The following PERP variants were observed in gnomAD, a reference collection of about 807,000 sequenced individuals.
The protein encoded by PERP is p53 apoptosis effector related to PMP-22.
A neutral mutation model predicts 20.3 loss-of-function variants in PERP; 11 were observed. The observed-to-expected ratio is 0.54, with a 90% CI of 0.34 to 0.90. The LOEUF is 0.90. Among genes scored for constraint, PERP ranks in the 40% least tolerant of loss-of-function variants. The pLI is 0.02. For missense variants in PERP, 224 were observed against 249.4 expected (o/e 0.90, Z 0.69); for synonymous variants, 101 against 102.0 (o/e 0.99, Z 0.06).
At chr6:138,104,934 G>A (rs4896314) in intron 1 of PERP, among the ~76,000 whole-genome samples, 15,486 of 150,496 alleles carry the variant, frequency 0.1, 1,617 homozygotes, top group East Asian at 0.58. Flanking sequence ...TTACAGTGTC[G>A]TTATACACAG....
At chr6:138,102,715 G>A (rs1193650920) in intron 1 of PERP, among the ~76,000 whole-genome samples, 1 of 152,134 alleles carries the variant, frequency 6.6e-6, no homozygotes, top group Non-Finnish European at 1.5e-5. Flanking sequence ...TAAATCATAC[G>A]TACTTTTAAA....
At position 138,088,630 on chromosome 6, in the gene PERP, T is replaced by C. The variant is rs9759; in HGVS notation, c.*3412A>G. On this transcript the variant is annotated 3_prime_UTR_variant, in exon 3 of 3. Transcript: ENST00000421351. Reference sequence around the variant, plus strand: ...ATAGGAACCTCTTTTAATTTCCCTTTCTTGGCTTTTTCCACACCCTAGGTG... The same window carrying C: ...ATAGGAACCTCTTTTAATTTCCCTTCCTTGGCTTTTTCCACACCCTAGGTG... 48,345 of 152,036 alleles carry C rather than the reference T, an allele frequency of 0.32. 8,129 individuals are homozygous for C. The highest frequency in any genetic ancestry group is 0.59 in the East Asian group (3,025 of 5,170). The allele number at this position is 152,036 out of a possible 1,614,324, so 9.4% of individuals were successfully genotyped here. A position where few individuals can be genotyped will look rare whatever the true frequency, so the allele number is the denominator to read the frequency against.
At chr6:138,097,932 C>T (rs1369322785) in intron 1 of PERP, among the ~76,000 whole-genome samples, 1 of 152,186 alleles carries the variant, frequency 6.6e-6, no homozygotes, top group African/African-American at 2.4e-5. Context: ...CTGGCAACCA[C>T]AAATCTACTT....
chr6:138,094,228 A>G (rs1447105495), intron 2 of PERP, among the ~76,000 whole-genome samples: 1 of 152,158 alleles, frequency 6.6e-6, no homozygotes, highest in Non-Finnish European at 1.5e-5. Flanking sequence ...AACCATTACC[A>G]CTATCTATAC....
rs1056456839 is a variant in PERP, at chr6:138,095,304, G to A, written c.355+1050C>T. On this transcript the variant is annotated intron_variant, in intron 2 of 2. Transcript: ENST00000421351. The stretch of plus-strand genomic sequence containing the variant: ...CAGAAACTGTCAAATGTGCCGTGAA[G>A]AAGGCCAGGACTGTGCATGTACCAG... 2.0e-5 allele frequency among the ~76,000 whole-genome samples: 3 copies of A among 152,188 alleles called. No homozygotes were observed. In the East Asian group the frequency reaches 5.8e-4, roughly 29 times the overall value.
chr6:138,091,929 G>T lies in PERP; in HGVS notation c.*113C>A. On this transcript the variant is annotated 3_prime_UTR_variant, in exon 3 of 3. Coordinates refer to ENST00000421351, the MANE Select transcript of PERP (RefSeq NM_022121.5). ...CAAATTATTTTAGCATTTTTGACTAGTTTAATAATATGAACACTGCCAAAA... is the reference window on the plus strand; with the variant it reads ...CAAATTATTTTAGCATTTTTGACTATTTTAATAATATGAACACTGCCAAAA... The T allele has an allele frequency of 1.2e-6, 1 of 863,418 alleles. No homozygotes were observed. Among genetic ancestry groups the T allele is most frequent in the Non-Finnish European group, 1.8e-6 (1 of 567,690 alleles). The allele number at this position is 863,418 out of a possible 1,614,324, so 53.5% of individuals were successfully genotyped here.
intron 2 of PERP, among the ~76,000 whole-genome samples, chr6:138,095,670 G>A (rs1373153239): frequency 6.6e-6 from 1 of 152,118 alleles, no homozygotes; most frequent in Admixed American, 6.5e-5. Flanking sequence ...CGTGGCTAGG[G>A]TCCTGCCCCT....
intron 2 of PERP, among the ~76,000 whole-genome samples, chr6:138,094,277 T>TA (rs374222007): frequency 2.8e-4 from 43 of 152,236 alleles, no homozygotes; most frequent in African/African-American, 9.6e-4. Context: ...CAGTATCTCT[T>TA]AAAAAATAAC....
At position 138,089,897 on chromosome 6, in the gene PERP, G is replaced by A. The variant is rs1243870583; in HGVS notation, c.*2145C>T. ...TAAATGTGCGCCGTTAAGGTATTGTGTGATTGAGGAGGGGAAGAAGGCTGG... is the reference window on the plus strand; with the variant it reads ...TAAATGTGCGCCGTTAAGGTATTGTATGATTGAGGAGGGGAAGAAGGCTGG... On this transcript the variant is annotated 3_prime_UTR_variant, in exon 3 of 3. Transcript: ENST00000421351. The A allele has an allele frequency of 6.6e-6, 1 of 152,212 alleles. No homozygotes were observed. The highest frequency in any genetic ancestry group is 2.4e-5 in the African/African-American group (1 of 41,452). The allele number at this position is 152,212 out of a possible 1,614,324, so 9.4% of individuals were successfully genotyped here. A position where few individuals can be genotyped will look rare whatever the true frequency, so the allele number is the denominator to read the frequency against.
chr6:138,107,336 A>C lies in PERP; in HGVS notation c.5T>G (p.Ile2Ser). 6.3e-7 allele frequency: 1 copy of C among 1,594,644 alleles called. No homozygotes were observed. The highest frequency in any genetic ancestry group is 1.7e-5 in the Admixed American group (1 of 59,472). The change falls in exon 1 of 3, where the codon ATC becomes AGC. Residue 2 changes from isoleucine to serine, a missense_variant. Transcript: ENST00000421351. This position sits in a 1 kb window ranked among gnomAD's most constrained non-coding sequence, Gnocchi z 4.8. M[I>S]RCGLACERCR... ...GCGCTCGCAGGCCAGGCCGCAGCGG[A>C]TCATGTTGACGGGCGGCGCGGGGCC...
At chr6:138,096,289 T>C (rs1025374779) in intron 2 of PERP, 65 bp downstream of exon 2, 9 of 1,568,470 alleles carry the variant, frequency 5.7e-6, no homozygotes, top group African/African-American at 1.4e-5. Flanking sequence ...CTTTGTGGAA[T>C]TGACCATTAC....
chr6:138,107,158 G>A lies in PERP; in HGVS notation c.183C>T (p.Tyr61=), dbSNP rs1775857356. ...CCATGAGGCTCTGACAGCCCTCCTC[G>A]TAGGACCCGCTGCCGCCGCCCTCTT... is the stretch of plus-strand genomic sequence containing the variant. ...CSQEGGGSGS[Y]EEGCQSLMEY... Residue 61 remains tyrosine, a synonymous_variant, in exon 1 of 3, where the codon TAC becomes TAT. Coordinates refer to ENST00000421351, the MANE Select transcript of PERP (RefSeq NM_022121.5). This position sits in a 1 kb window ranked among gnomAD's most constrained non-coding sequence, Gnocchi z 4.8. 2 of 1,610,986 alleles carry A rather than the reference G, an allele frequency of 1.2e-6. No individual in the cohort carries two copies. The highest frequency in any genetic ancestry group is 2.7e-5 in the African/African-American group (2 of 74,840).
rs11557031 is a variant in PERP at position 138,091,751 on chromosome 6, G to A, written c.*291C>T. 0.073 allele frequency: 17,615 copies of A among 240,752 alleles called. 818 individuals carry two copies. Among genetic ancestry groups the A allele is most frequent in the Middle Eastern group, 0.15 (93 of 636 alleles). The allele number at this position is 240,752 out of a possible 1,614,324, so 14.9% of individuals were successfully genotyped here. On this transcript the variant is annotated 3_prime_UTR_variant, in exon 3 of 3. Transcript: ENST00000421351. ...TACCTTATAAAGTGTTAAGTTTCAC[G>A]TGCATATTCTCTTACAAATGTAGTA...
At chr6:138,102,028 C>A (rs116670800) in intron 1 of PERP, among the ~76,000 whole-genome samples, 2,661 of 152,082 alleles carry the variant, frequency 0.017, 78 homozygotes, top group African/African-American at 0.061. Context: ...TCATAGCAGT[C>A]CCCCCCAAAA....
At chr6:138,105,275 C>G (rs766091923) in intron 1 of PERP, among the ~76,000 whole-genome samples, 1 of 152,168 alleles carries the variant, frequency 6.6e-6, no homozygotes, top group Non-Finnish European at 1.5e-5. Context: ...CTTAGAAAAT[C>G]GAGCTTTTCC....
At chr6:138,106,409 C>G (rs1775841989) in intron 1 of PERP, among the ~76,000 whole-genome samples, 1 of 152,234 alleles carries the variant, frequency 6.6e-6, no homozygotes, top group Non-Finnish European at 1.5e-5. Flanking sequence ...AAATGGCATA[C>G]AGTACTTCAC....
chr6:138,096,746 T>A (rs551759794), intron 1 of PERP, among the ~76,000 whole-genome samples: 4 of 152,316 alleles, frequency 2.6e-5, no homozygotes, highest in Admixed American at 1.3e-4. Context: ...AAAGTTTACA[T>A]CTCTGAAATG....
rs776856023 is a variant in PERP at position 138,107,128 on chromosome 6, G to A, written c.213C>T (p.Tyr71=). 30 of 1,601,040 alleles carry A rather than the reference G, an allele frequency of 1.9e-5. No homozygotes were observed. In the Admixed American group the frequency reaches 3.2e-4, roughly 17 times the overall value. ...YEEGCQSLME[Y]AWGRAAAAML... is the part of the protein sequence containing the mutation. ...ACGGCGGCGGCGGCGGGCACTCACC[G>A]TACTCCATGAGGCTCTGACAGCCCT... The change falls in exon 1 of 3, where the codon TAC becomes TAT. Residue 71 remains tyrosine, a splice_region_variant and synonymous_variant. Coordinates refer to ENST00000421351, the MANE Select transcript of PERP (RefSeq NM_022121.5). This position sits in a 1 kb window ranked among gnomAD's most constrained non-coding sequence, Gnocchi z 4.8.
At chr6:138,093,838 C>G (rs1223236116) in intron 2 of PERP, among the ~76,000 whole-genome samples, 1 of 152,136 alleles carries the variant, frequency 6.6e-6, no homozygotes, top group African/African-American at 2.4e-5. Context: ...TTCAGCATTA[C>G]TACTAAAAGT....
Sources: gnomAD v4.1 joint callset for allele counts (sites outside exome capture counted in the v4.1 genomes callset) on GRCh38, gnomAD v4.1.1 for gene constraint, Gnocchi (gnomAD v3.1) non-coding constraint, MANE v1.5 for transcripts, NCBI Gene and HGNC (gene_info 2026-07-23, HGNC 2026-07-21) for gene names.